SNTG2: variants seen among roughly 807,000 people sequenced by gnomAD.
SNTG2 encodes the protein syntrophin gamma 2.
A neutral mutation model predicts 70.9 loss-of-function variants in SNTG2; 74 were observed. The observed-to-expected ratio is 1.04, with a 90% confidence interval of 0.86 to 1.27. The LOEUF is 1.27. Ranked by LOEUF, SNTG2 falls within the 50% of genes most tolerant of loss-of-function variation. SNTG2 has a pLI of 0.00. For missense variants in SNTG2, 717 were observed against 690.7 expected (o/e 1.04, Z -0.43); for synonymous variants, 278 against 273.8 (o/e 1.02, Z -0.15).
chr2:962,655 C>T (rs989355270), intron 1 of SNTG2, among the ~76,000 whole-genome samples: 2 of 152,166 alleles, frequency 1.3e-5, no homozygotes, highest in Non-Finnish European at 2.9e-5. Flanking sequence ...TGAGTTTTCA[C>T]TTCATCTTTG....
At chr2:1,091,736 A>C (rs779096622) in intron 2 of SNTG2, among the ~76,000 whole-genome samples, 4 of 152,182 alleles carry the variant, frequency 2.6e-5, no homozygotes, top group Non-Finnish European at 4.4e-5. Flanking sequence ...GAATTTTTAA[A>C]ATTTAGGAGT....
chr2:1,073,214 T>C (rs1432569107), intron 1 of SNTG2, among the ~76,000 whole-genome samples: 1 of 152,190 alleles, frequency 6.6e-6, no homozygotes, highest in Admixed American at 6.5e-5. Context: ...GTGTGTAAAA[T>C]TCTACCAAAC....
At chr2:1,276,825 T>C (rs1679289185) in intron 14 of SNTG2, among the ~76,000 whole-genome samples, 1 of 152,236 alleles carries the variant, frequency 6.6e-6, no homozygotes, top group African/African-American at 2.4e-5. Context: ...GAAACATTTG[T>C]GACTCATGGG....
intron 1 of SNTG2, among the ~76,000 whole-genome samples, chr2:952,541 G>C (rs1020738367): frequency 1.3e-5 from 2 of 152,216 alleles, no homozygotes; most frequent in Non-Finnish European, 2.9e-5. Flanking sequence ...TGCTAAATTT[G>C]ATGTTTTCCA....
chr2:1,145,869 ATT>A (rs1164249974), intron 6 of SNTG2, among the ~76,000 whole-genome samples: 3 of 152,190 alleles, frequency 2.0e-5, no homozygotes, highest in Non-Finnish European at 4.4e-5. Context: ...ACCAAGTGGG[ATT>A]TTTTGCAGCT....
rs1237863727 is a variant in SNTG2 at position 1,151,247 on chromosome 2, C to CAGTCCCATCTGTGCCAGCTCT, written c.411+13438_411+13439insAGTCCCATCTGTGCCAGCTCT. 3.9e-5 allele frequency among the ~76,000 whole-genome samples: 6 copies of CAGTCCCATCTGTGCCAGCTCT among 152,270 alleles called. No individual in the cohort carries two copies. In the South Asian group the frequency reaches 6.2e-4, roughly 16 times the overall value. ...GCATGTGCAGGCTGAAATCAGGCTG[C>CAGTCCCATCTGTGCCAGCTCT]GGTCCCATCTGTGCCAGCTCTGGAG... On this transcript the variant is annotated intron_variant, in intron 6 of 16. Transcript: ENST00000308624.
At chr2:1,052,198 T>C (rs1662116377) in intron 1 of SNTG2, among the ~76,000 whole-genome samples, 1 of 152,214 alleles carries the variant, frequency 6.6e-6, no homozygotes. Context: ...AAAGTTTGTA[T>C]AGTATCCATG....
rs184717175 is a variant in SNTG2, at chr2:1,015,085, G to A, written c.72+64017G>A. Among the ~76,000 whole-genome samples the A allele has an allele frequency of 7.3e-3, 1,117 of 152,232 alleles. 7 individuals are homozygous for A. The highest frequency in any genetic ancestry group is 9.9e-3 in the Non-Finnish European group (670 of 68,008). On this transcript the variant is annotated intron_variant, in intron 1 of 16. Transcript: ENST00000308624. Reference sequence around the variant, plus strand: ...GACAGCGCGGGGCTGAGACGCAGGCGGGAAACCTTGGGATGTGCATTTTGA... The same window carrying A: ...GACAGCGCGGGGCTGAGACGCAGGCAGGAAACCTTGGGATGTGCATTTTGA...
intron 4 of SNTG2, among the ~76,000 whole-genome samples, chr2:1,113,386 G>A (rs900570079): frequency 2.6e-5 from 4 of 151,950 alleles, no homozygotes; most frequent in South Asian, 4.2e-4. Context: ...GAAAAGGATC[G>A]TGTGTACTAA....
intron 8 of SNTG2, among the ~76,000 whole-genome samples, chr2:1,181,022 A>T (rs28653038): frequency 0.023 from 3,518 of 152,160 alleles, 132 homozygotes; most frequent in African/African-American, 0.079. Context: ...AACAATGAGA[A>T]CACATGGACA....
At chr2:1,303,840 A>G (rs576359957) in intron 14 of SNTG2, among the ~76,000 whole-genome samples, 10 of 152,372 alleles carry the variant, frequency 6.6e-5, no homozygotes, top group African/African-American at 2.4e-4. Flanking sequence ...ATAACTCTAC[A>G]CATATAAATC....
chr2:967,095 A>G (rs917975597), intron 1 of SNTG2, among the ~76,000 whole-genome samples: 1 of 152,228 alleles, frequency 6.6e-6, no homozygotes, highest in Non-Finnish European at 1.5e-5. Flanking sequence ...AAGAATTGTC[A>G]CTAGTCAAAA....
intron 6 of SNTG2, among the ~76,000 whole-genome samples, chr2:1,164,297 G>A (rs1040379406): frequency 8.7e-5 from 12 of 138,108 alleles, no homozygotes; most frequent in Non-Finnish European, 1.4e-4. Context: ...CTGTGTAGAC[G>A]AGAGGGCGGG....
intron 4 of SNTG2, 63 bp downstream of exon 4, chr2:1,098,473 A>C: frequency 1.3e-6 from 2 of 1,503,242 alleles, no homozygotes; most frequent in Non-Finnish European, 9.2e-7. Flanking sequence ...CAAATTACTG[A>C]AAATGATAAA....
At chr2:995,779 C>G (rs991549701) in intron 1 of SNTG2, among the ~76,000 whole-genome samples, 1 of 151,922 alleles carries the variant, frequency 6.6e-6, no homozygotes. Context: ...ATATAATTTT[C>G]CCAAAGCTCT....
At chr2:1,266,415 G>A (rs915276288) in intron 13 of SNTG2, among the ~76,000 whole-genome samples, 7 of 152,188 alleles carry the variant, frequency 4.6e-5, no homozygotes, top group Non-Finnish European at 1.5e-5. Flanking sequence ...CCGAATCGCC[G>A]AGTGATTAAT....
intron 14 of SNTG2, among the ~76,000 whole-genome samples, chr2:1,281,328 T>TG (rs1277568628): frequency 1.7e-4 from 24 of 140,728 alleles, no homozygotes; most frequent in East Asian, 4.1e-4. Context: ...TTGTGTGGTG[T>TG]GTGTGTGTGG....
intron 8 of SNTG2, among the ~76,000 whole-genome samples, chr2:1,207,085 C>G (rs1673679985): frequency 6.6e-6 from 1 of 152,178 alleles, no homozygotes; most frequent in Non-Finnish European, 1.5e-5. Context: ...TAAAACCTTG[C>G]CACAGTATGC....
At chr2:1,004,694 C>T (rs968386462) in intron 1 of SNTG2, among the ~76,000 whole-genome samples, 1 of 152,170 alleles carries the variant, frequency 6.6e-6, no homozygotes, top group Non-Finnish European at 1.5e-5. Context: ...GATGGGGACT[C>T]TCCTTCGTTG....
Sources: gnomAD v4.1 joint callset for allele counts (sites outside exome capture counted in the v4.1 genomes callset) on GRCh38, gnomAD v4.1.1 for gene constraint, MANE v1.5 for transcripts, NCBI Gene and HGNC (gene_info 2026-07-23, HGNC 2026-07-21) for gene names.